The following TTLL5 variants were observed in gnomAD, a reference collection of about 807,000 sequenced individuals.
TTLL5 encodes the protein tubulin tyrosine ligase like 5, also known as tubulin polyglutamylase TTLL5.
In TTLL5, 132 loss-of-function variants were observed where a neutral mutation model predicts 168.4. That is an observed-to-expected ratio of 0.78 (90% CI 0.68 to 0.91). The LOEUF (loss-of-function observed/expected upper bound fraction) is 0.91. TTLL5 is among the 40% of genes least tolerant of loss of function. The probability of loss-of-function intolerance (pLI) is 0.00; values close to 1 mark genes in which losing one functional copy is unlikely to be tolerated. For missense variants in TTLL5, 1,545 were observed against 1,581.5 expected (o/e 0.98, Z 0.39); for synonymous variants, 546 against 558.6 (o/e 0.98, Z 0.32).
chr14:75,805,840 C>T (rs531448540), intron 27 of TTLL5, among the ~76,000 whole-genome samples: 1 of 152,264 alleles, frequency 6.6e-6, no homozygotes, highest in African/African-American at 2.4e-5. Flanking sequence ...TTCACTTCCT[C>T]ATTCTATGTC....
At chr14:75,779,850 G>A in intron 24 of TTLL5, 148 bp downstream of exon 24, 5 of 730,216 alleles carry the variant, frequency 6.8e-6, no homozygotes, top group South Asian at 3.4e-5. Flanking sequence ...GTGGAGAATG[G>A]GGGACAGTAC....
At chr14:75,730,910 G>A (rs1015820313) in intron 12 of TTLL5, among the ~76,000 whole-genome samples, 1 of 152,030 alleles carries the variant, frequency 6.6e-6, no homozygotes, top group African/African-American at 2.4e-5. Flanking sequence ...AGTAGAGACG[G>A]GGTTTCACCA....
chr14:75,665,055 T>C (rs1204924121), intron 2 of TTLL5, among the ~76,000 whole-genome samples: 1 of 152,212 alleles, frequency 6.6e-6, no homozygotes, highest in African/African-American at 2.4e-5. Flanking sequence ...CTTTATACTT[T>C]ACATTACCTT....
At position 75,755,266 on chromosome 14, in the gene TTLL5, C is replaced by CA. The variant is rs747937754; in HGVS notation, c.1550+2316dup. ...GGCAACCAGAGCAAAACTCTGTCTC[C>CA]AAAAATAATAATAATAATAATAATA... On this transcript the variant is annotated intron_variant, in intron 18 of 31. Coordinates refer to ENST00000298832, the MANE Select transcript of TTLL5 (RefSeq NM_015072.5). Among the ~76,000 whole-genome samples the CA allele has an allele frequency of 8.6e-3, 253 of 29,358 alleles. 3 individuals are homozygous for CA. Among genetic ancestry groups the CA allele is most frequent in the Middle Eastern group, 0.03 (3 of 100 alleles). 19.3% of individuals were successfully genotyped at this position (29,358 alleles called of 152,430 possible). A position where few individuals can be genotyped will look rare whatever the true frequency, so the allele number is the denominator to read the frequency against.
intron 27 of TTLL5, among the ~76,000 whole-genome samples, chr14:75,797,171 A>T (rs1303575773): frequency 1.3e-5 from 2 of 151,562 alleles, no homozygotes; most frequent in African/African-American, 2.4e-5. Flanking sequence ...ATTTTATTTT[A>T]TTTTTTGCAG....
intron 3 of TTLL5, among the ~76,000 whole-genome samples, chr14:75,680,403 T>A (rs1884506581): frequency 1.3e-5 from 2 of 152,148 alleles, no homozygotes; most frequent in Non-Finnish European, 2.9e-5. Context: ...CAGGTTTTTT[T>A]AAGAGACGTC....
intron 27 of TTLL5, among the ~76,000 whole-genome samples, chr14:75,816,974 A>ATTTTTTTTTTTTTT (rs35736530): frequency 4.2e-5 from 4 of 96,084 alleles, no homozygotes; most frequent in Admixed American, 1.4e-4. Flanking sequence ...TCCCTGTCTT[A>ATTTTTTTTTTTTTT]TTTTTTTTTT....
intron 31 of TTLL5, among the ~76,000 whole-genome samples, chr14:75,939,400 T>C (rs1258456178): frequency 1.3e-5 from 2 of 152,154 alleles, no homozygotes; most frequent in African/African-American, 2.4e-5. Flanking sequence ...TTTCATTTTA[T>C]TTGTTTAGAC....
At chr14:75,745,711 ATTATCC>A in intron 17 of TTLL5, 130 bp downstream of exon 17, 1 of 708,574 alleles carries the variant, frequency 1.4e-6, no homozygotes, top group Non-Finnish European at 2.3e-6. Context: ...TATGATAAAT[ATTATCC>A]AACCCGAGAA....
intron 31 of TTLL5, among the ~76,000 whole-genome samples, chr14:75,939,450 A>G (rs1423998741): frequency 6.6e-6 from 1 of 152,188 alleles, no homozygotes; most frequent in Non-Finnish European, 1.5e-5. Context: ...CAGTGGCATG[A>G]TGACAGCTCA....
chr14:75,689,051 T>G (rs1025007404), intron 5 of TTLL5, among the ~76,000 whole-genome samples: 2 of 152,236 alleles, frequency 1.3e-5, no homozygotes, highest in East Asian at 3.8e-4. Flanking sequence ...GATTATCGCT[T>G]CTGAGACTAG....
At chr14:75,946,746 G>GAA (rs957717999) in intron 31 of TTLL5, among the ~76,000 whole-genome samples, 1 of 143,766 alleles carries the variant, frequency 7.0e-6, no homozygotes. Flanking sequence ...GTTCTAGAGA[G>GAA]AAAAAAAAAA....
At chr14:75,749,565 GA>G (rs1889824065) in intron 17 of TTLL5, among the ~76,000 whole-genome samples, 1 of 12,768 alleles carries the variant, frequency 7.8e-5, no homozygotes, top group Non-Finnish European at 2.4e-4. Flanking sequence ...GACCCTATAG[GA>G]GCAGTAGAGG....
At chr14:75,673,334 A>G (rs948522894) in intron 3 of TTLL5, among the ~76,000 whole-genome samples, 2 of 152,156 alleles carry the variant, frequency 1.3e-5, no homozygotes, top group Non-Finnish European at 2.9e-5. Context: ...TATCAATTTC[A>G]CTTATCTCTG....
intron 28 of TTLL5, among the ~76,000 whole-genome samples, chr14:75,836,040 G>A (rs1428685222): frequency 1.3e-5 from 2 of 152,160 alleles, no homozygotes; most frequent in African/African-American, 4.8e-5. Context: ...CCACTCCTAG[G>A]TATCTGCCCA....
chr14:75,777,975 TAA>T (rs201797480), intron 23 of TTLL5, among the ~76,000 whole-genome samples: 12 of 141,708 alleles, frequency 8.5e-5, no homozygotes, highest in Non-Finnish European at 1.5e-4. Context: ...AGAAAAGGAT[TAA>T]AAAAAAAAAA....
intron 30 of TTLL5, among the ~76,000 whole-genome samples, chr14:75,898,043 G>T (rs2032751214): frequency 6.6e-6 from 1 of 152,164 alleles, no homozygotes; most frequent in African/African-American, 2.4e-5. Flanking sequence ...ATTTCTCACT[G>T]TCAAGCTCTT....
intron 7 of TTLL5, among the ~76,000 whole-genome samples, chr14:75,699,689 G>T (rs926000084): frequency 1.3e-5 from 2 of 152,080 alleles, no homozygotes; most frequent in Admixed American, 1.3e-4. Context: ...TGGTATCCTC[G>T]CTACTGCTGC....
chr14:75,942,182 C>CAA (rs36054096), intron 31 of TTLL5, among the ~76,000 whole-genome samples: 1 of 140,136 alleles, frequency 7.1e-6, no homozygotes, highest in African/African-American at 2.6e-5. Context: ...GACTCTGTCT[C>CAA]AAAAAAAAAA....
Sources: allele counts gnomAD v4.1 joint callset (sites outside exome capture counted in the v4.1 genomes callset), GRCh38; gene constraint gnomAD v4.1.1; transcripts MANE v1.5; gene names NCBI Gene and HGNC (gene_info 2026-07-23, HGNC 2026-07-21).